The following CLIP1 variants were observed in gnomAD, a reference collection of about 807,000 sequenced individuals.
The protein encoded by CLIP1 is CAP-Gly domain-containing linker protein 1.
CLIP1 carries 66 observed loss-of-function variants against 161.6 expected under a neutral mutation model. The ratio of observed to expected loss-of-function variants is 0.41; its 90% confidence interval spans 0.33 to 0.50. The LOEUF is 0.50. Ranked by LOEUF, CLIP1 falls within the 20% of genes least tolerant of loss-of-function variation. CLIP1 has a pLI of 0.27. For synonymous variants in CLIP1, 598 were observed against 626.2 expected (o/e 0.96, Z 0.67); for missense variants, 1,376 against 1,702.0 (o/e 0.81, Z 3.37).
intron 20 of CLIP1, among the ~76,000 whole-genome samples, chr12:122,298,399 GA>G (rs915732926): frequency 1.3e-4 from 20 of 151,880 alleles, no homozygotes; most frequent in African/African-American, 4.8e-4. Context: ...ACCTGAGGTC[GA>G]GTTCAAACGT....
chr12:122,408,586 G>A (rs1649382721), intron 1 of CLIP1, among the ~76,000 whole-genome samples: 1 of 152,016 alleles, frequency 6.6e-6, no homozygotes, highest in South Asian at 2.1e-4. Context: ...CTGACCTCGT[G>A]ATCCACCCAC....
intron 3 of CLIP1, among the ~76,000 whole-genome samples, chr12:122,370,191 A>T (rs1954374895): frequency 6.6e-6 from 1 of 151,250 alleles, no homozygotes; most frequent in African/African-American, 2.4e-5. Context: ...AAGAAGAAAG[A>T]AAAGAAACAG....
At chr12:122,308,569 G>A (rs989941601) in intron 20 of CLIP1, among the ~76,000 whole-genome samples, 3 of 152,186 alleles carry the variant, frequency 2.0e-5, no homozygotes, top group African/African-American at 4.8e-5. Flanking sequence ...GACATCTCTT[G>A]ACACTAGTCG....
intron 1 of CLIP1, among the ~76,000 whole-genome samples, chr12:122,388,127 G>A (rs1277696668): frequency 2.0e-5 from 3 of 152,090 alleles, no homozygotes; most frequent in African/African-American, 4.8e-5. Context: ...CTACAGCAGA[G>A]GTTCTCAAAA....
intron 7 of CLIP1, among the ~76,000 whole-genome samples, chr12:122,353,719 C>T (rs1174779330): frequency 1.3e-5 from 2 of 152,108 alleles, no homozygotes; most frequent in Non-Finnish European, 2.9e-5. Context: ...CCACCTCTGC[C>T]ACCCGGGTTC....
At chr12:122,334,801 T>G in intron 12 of CLIP1, 96 bp from the exon 13 acceptor site, 1 of 771,564 alleles carries the variant, frequency 1.3e-6, no homozygotes, top group East Asian at 2.7e-5. Flanking sequence ...GTCTACTTTT[T>G]GTTGCTGGTC....
intron 11 of CLIP1, among the ~76,000 whole-genome samples, chr12:122,339,243 G>A (rs1366027085): frequency 2.6e-5 from 4 of 152,138 alleles, no homozygotes; most frequent in African/African-American, 9.7e-5. Context: ...TTCTCATTAT[G>A]CCACAGAAAA....
In CLIP1 at chr12:122,323,410, C is replaced by T. The variant is rs756563280; in HGVS notation, c.3250-4062G>A. 3 of 152,636 alleles carry T rather than the reference C, an allele frequency of 2.0e-5. No individual in the cohort carries two copies. The highest frequency in any genetic ancestry group is 4.4e-5 in the Non-Finnish European group (3 of 68,044). 9.5% of individuals were successfully genotyped at this position (152,636 alleles called of 1,614,324 possible). ...CTTTCTCATGCAGAAGCTGGATGCA[C>T]TCGGAGTCCGTGACCGCCCGCCTGG... On this transcript the variant is annotated intron_variant, in intron 17 of 25. Transcript: ENST00000620786. This position sits in a 1 kb window ranked among gnomAD's most constrained non-coding sequence, Gnocchi z 4.1.
intron 10 of CLIP1, among the ~76,000 whole-genome samples, chr12:122,346,730 T>C (rs1033559302): frequency 6.6e-6 from 1 of 152,168 alleles, no homozygotes; most frequent in Non-Finnish European, 1.5e-5. Flanking sequence ...CTCAAACTCC[T>C]GACCTCAAGT....
At chr12:122,322,910 T>C (rs962414303) in intron 17 of CLIP1, 1 of 152,630 alleles carries the variant, frequency 6.6e-6, no homozygotes, top group Non-Finnish European at 1.5e-5. Flanking sequence ...TTCCAGATTC[T>C]TTTTGGTATT....
chr12:122,330,557 T>C (rs1951899109), intron 15 of CLIP1, among the ~76,000 whole-genome samples: 1 of 150,678 alleles, frequency 6.6e-6, no homozygotes, highest in African/African-American at 2.4e-5. Context: ...AAACAGATAT[T>C]AAGATAGAGG....
rs764538976 is a variant in CLIP1 at position 122,340,788 on chromosome 12, G to A, written c.2416C>T (p.His806Tyr). The change falls in exon 11 of 26, where the codon CAT (histidine) becomes TAT (tyrosine). Residue 806 changes from histidine (H) to tyrosine (Y), a missense_variant. By Grantham distance (83) the His-to-Tyr change is moderately conservative (BLOSUM62 2). Around this residue, in one of 6 missense-constraint regions of CLIP1, gnomAD observed 948 missense variants for 1,134.8 expected, o/e 0.84. Coordinates refer to ENST00000620786, the MANE Select transcript of CLIP1 (RefSeq NM_001247997.2). ...QLEAAEKQIK[H>Y]LEIEKNAESS... ...TCAGCATTCTTTTCAATCTCTAAAT[G>A]TTTAATCTGTTTCTCAGCTGCCTCA... 4 of 1,604,794 alleles carry A rather than the reference G, an allele frequency of 2.5e-6. No individual in the cohort carries two copies. Among genetic ancestry groups the A allele is most frequent in the Admixed American group, 3.5e-5 (2 of 57,862 alleles).
chr12:122,365,416 T>C (rs1357084427), intron 3 of CLIP1: 3 of 794,612 alleles, frequency 3.8e-6, no homozygotes, highest in African/African-American at 3.4e-5. Context: ...CCAAGAGAAA[T>C]AATGTGCGTA....
intron 1 of CLIP1, among the ~76,000 whole-genome samples, chr12:122,416,095 G>A (rs1956745727): frequency 6.6e-6 from 1 of 151,466 alleles, no homozygotes. Context: ...AAAACTATCT[G>A]GGCGTGGTGG....
intron 2 of CLIP1, 77 bp downstream of exon 2, chr12:122,380,291 T>C (rs1954959205): frequency 8.8e-6 from 8 of 907,502 alleles, no homozygotes; most frequent in Non-Finnish European, 1.3e-5. Context: ...TGAACAGATA[T>C]AAAATAATGT....
chr12:122,308,148 A>T (rs1174811256), intron 20 of CLIP1, among the ~76,000 whole-genome samples: 1 of 152,222 alleles, frequency 6.6e-6, no homozygotes, highest in African/African-American at 2.4e-5. Flanking sequence ...ATTCTAAACA[A>T]GGAAGCATGA....
At chr12:122,291,082 G>A (rs1950230315) in intron 20 of CLIP1, among the ~76,000 whole-genome samples, 1 of 151,548 alleles carries the variant, frequency 6.6e-6, no homozygotes, top group Non-Finnish European at 1.5e-5. Context: ...TAGTAGAGGT[G>A]GGGTTTCACC....
intron 20 of CLIP1, among the ~76,000 whole-genome samples, chr12:122,307,961 T>C (rs149381845): frequency 1.2e-4 from 19 of 152,334 alleles, no homozygotes; most frequent in Non-Finnish European, 2.6e-4. Flanking sequence ...TAAAAGTAAG[T>C]CACTTCTTAG....
intron 23 of CLIP1, 79 bp from the exon 24 acceptor site, chr12:122,278,282 T>G: frequency 3.2e-6 from 4 of 1,238,122 alleles, no homozygotes; most frequent in Non-Finnish European, 4.6e-6. Flanking sequence ...TAAACTGCAG[T>G]GAAAGGGCCT....
Sources: gnomAD v4.1 joint callset for allele counts (sites outside exome capture counted in the v4.1 genomes callset) on GRCh38, gnomAD v4.1.1 for gene constraint, gnomAD v4.1.1 regional missense constraint, Gnocchi (gnomAD v3.1) non-coding constraint, MANE v1.5 for transcripts, NCBI Gene and HGNC (gene_info 2026-07-23, HGNC 2026-07-21) for gene names.